The following FHAD1 variants were observed in gnomAD, a reference collection of about 807,000 sequenced individuals.
FHAD1 encodes the protein forkhead-associated domain-containing protein 1.
Under a neutral mutation model 191.3 loss-of-function variants are expected in FHAD1, and 146 were observed. The ratio of observed to expected loss-of-function variants is 0.76; its 90% CI spans 0.67 to 0.88. The LOEUF (loss-of-function observed/expected upper bound fraction) is 0.88, where lower values mean the gene tolerates loss of function less well. FHAD1 is among the 40% of genes least tolerant of loss of function. FHAD1 has a pLI of 0.00. For synonymous variants in FHAD1, 616 were observed against 672.3 expected (o/e 0.92, Z 1.29); for missense variants, 1,635 against 1,785.8 (o/e 0.92, Z 1.52).
At chr1:15,344,867 T>A (rs1168500213) in intron 16 of FHAD1, among the ~76,000 whole-genome samples, 2 of 152,142 alleles carry the variant, frequency 1.3e-5, no homozygotes, top group African/African-American at 4.8e-5. Flanking sequence ...GTAGCTTCAC[T>A]TCCCCAGTGC....
intron 3 of FHAD1, among the ~76,000 whole-genome samples, chr1:15,273,061 G>A (rs1003529343): frequency 1.3e-5 from 2 of 152,150 alleles, no homozygotes; most frequent in Non-Finnish European, 2.9e-5. Flanking sequence ...CCCTAAACAT[G>A]TCTGATTATC....
intron 6 of FHAD1, among the ~76,000 whole-genome samples, chr1:15,306,159 C>T (rs1326979017): frequency 3.9e-5 from 6 of 152,184 alleles, no homozygotes; most frequent in Non-Finnish European, 8.8e-5. Flanking sequence ...GCAAAGGTGA[C>T]TCTTGTTATG....
intron 15 of FHAD1, among the ~76,000 whole-genome samples, chr1:15,340,073 A>C (rs1050380881): frequency 1.5e-4 from 23 of 151,830 alleles, no homozygotes; most frequent in Non-Finnish European, 3.2e-4. Flanking sequence ...TGATCCACCC[A>C]CCTCAGCTTC....
intron 31 of FHAD1, chr1:15,383,329 C>T (rs951266708): frequency 6.1e-5 from 27 of 440,358 alleles, no homozygotes; most frequent in Non-Finnish European, 9.6e-5. Flanking sequence ...GGCCTGGCAC[C>T]AGCCGGCGGA....
intron 6 of FHAD1, among the ~76,000 whole-genome samples, chr1:15,306,712 G>A (rs1170654403): frequency 6.6e-6 from 1 of 152,280 alleles, no homozygotes; most frequent in Non-Finnish European, 1.5e-5. Flanking sequence ...TCCACATGGT[G>A]TTGAGCCTGC....
intron 10 of FHAD1, among the ~76,000 whole-genome samples, chr1:15,321,426 A>G (rs1676219328): frequency 2.0e-5 from 3 of 152,172 alleles, no homozygotes; most frequent in African/African-American, 7.2e-5. Flanking sequence ...CAACTTACCA[A>G]AATTCAATAT....
chr1:15,237,194 C>T (rs1341881321), intron 1 of FHAD1, among the ~76,000 whole-genome samples: 1 of 152,160 alleles, frequency 6.6e-6, no homozygotes, highest in Non-Finnish European at 1.5e-5. Flanking sequence ...CTCTTTATCA[C>T]TCCACAGAAA....
intron 19 of FHAD1, 106 bp downstream of exon 19, chr1:15,349,255 G>C (rs1166198264): frequency 3.5e-6 from 3 of 862,354 alleles, no homozygotes; most frequent in East Asian, 5.3e-5. Flanking sequence ...GCCTCCCTTT[G>C]AAGTGGCCAA....
Position 15,289,739 on chromosome 1 carries a change from A to G in FHAD1, c.568+73A>G. On this transcript the variant is annotated intron_variant, in intron 4 of 33. Coordinates refer to ENST00000688493, the MANE Select transcript of FHAD1 (RefSeq NM_001391957.1). This position sits in a 1 kb window ranked among gnomAD's most constrained non-coding sequence, Gnocchi z 4.2. ...TGTGGATGGGTCTTGGTTTTGGTTT[A>G]CTTTCTGATTCTAAAAGTAGAACAT... 2.1e-6 allele frequency: 3 copies of G among 1,457,952 alleles called. No individual in the cohort carries two copies. The highest frequency in any genetic ancestry group is 2.7e-6 in the Non-Finnish European group (3 of 1,100,720). The allele number at this position is 1,457,952 out of a possible 1,614,324, so 90.3% of individuals were successfully genotyped here.
At chr1:15,299,124 C>T (rs1667860767) in intron 5 of FHAD1, among the ~76,000 whole-genome samples, 2 of 142,826 alleles carry the variant, frequency 1.4e-5, no homozygotes, top group South Asian at 2.1e-4. Context: ...CACTTGAGCC[C>T]AGGGGATCAA....
rs192531598 is a variant in FHAD1, at chr1:15,364,193, A to G, written c.3047+1467A>G. 2.2e-3 allele frequency: 418 copies of G among 187,696 alleles called. 2 individuals are homozygous for G. The highest frequency in any genetic ancestry group is 3.8e-3 in the Non-Finnish European group (341 of 90,208). The allele number at this position is 187,696 out of a possible 1,614,324, so 11.6% of individuals were successfully genotyped here. On this transcript the variant is annotated intron_variant, in intron 23 of 33. Transcript: ENST00000688493. The stretch of plus-strand genomic sequence containing the variant: ...TGGACACACACGCATGCATGCACAC[A>G]CAGAATATACTATATCTATGTAGTT...
chr1:15,385,549 G>A (rs1295238610), intron 31 of FHAD1, among the ~76,000 whole-genome samples: 35 of 152,154 alleles, frequency 2.3e-4, no homozygotes, highest in Admixed American at 2.2e-3. Flanking sequence ...ACTTTGGGAG[G>A]CTGATGCAGG....
chr1:15,371,626 T>A (rs78381548), intron 26 of FHAD1, among the ~76,000 whole-genome samples: 4,093 of 152,106 alleles, frequency 0.027, 80 homozygotes, highest in African/African-American at 0.057. Context: ...CCCCCAAAAC[T>A]CAGTATCTGC....
Position 15,365,843 on chromosome 1 carries a change from G to T in FHAD1, c.3064G>T (p.Ala1022Ser), listed in dbSNP as rs1696256725. The change falls in exon 24 of 34, where the codon GCT becomes TCT. Residue 1022 changes from alanine to serine, a missense_variant. Coordinates refer to ENST00000688493, the MANE Select transcript of FHAD1 (RefSeq NM_001391957.1). ...GAATTTCAGAGATGACTTATTGGCT[G>T]CTCAGAAGGAAATTCTGTCTCAGCA... is the stretch of plus-strand genomic sequence containing the variant. The part of the protein sequence containing the change: ...YEHLIDDLLA[A>S]QKEILSQQEV... The T allele has an allele frequency of 1.3e-6, 2 of 1,550,804 alleles. No individual in the cohort carries two copies. The highest frequency in any genetic ancestry group is 8.7e-7 in the Non-Finnish European group (1 of 1,146,324).
intron 11 of FHAD1, chr1:15,326,717 C>A (rs943123292): frequency 1.0e-5 from 2 of 197,790 alleles, no homozygotes; most frequent in Non-Finnish European, 2.0e-5. Context: ...CAGTCTGGTG[C>A]CAACTTAGCA....
Position 15,301,496 on chromosome 1 carries a change from C to G in FHAD1, c.915+55C>G, listed in dbSNP as rs977778835. The stretch of plus-strand genomic sequence containing the variant: ...CTCTCAGGCCAAGGCCCGGGAGGCC[C>G]CAGGACCACCAACCAAGGTGAGCCA... On this transcript the variant is annotated intron_variant, in intron 6 of 33. Coordinates refer to ENST00000688493, the MANE Select transcript of FHAD1 (RefSeq NM_001391957.1). 4 of 1,484,096 alleles carry G rather than the reference C, an allele frequency of 2.7e-6. No individual in the cohort carries two copies. The African/African-American group carries it at 5.6e-5, about 21-fold the overall frequency. 91.9% of individuals were successfully genotyped at this position (1,484,096 alleles called of 1,614,324 possible).
chr1:15,328,300 C>G lies in FHAD1; in HGVS notation c.1581C>G (p.Val527=). The G allele has an allele frequency of 6.6e-7, 1 of 1,511,630 alleles. No individual in the cohort carries two copies. Among genetic ancestry groups the G allele is most frequent in the Non-Finnish European group, 8.8e-7 (1 of 1,130,644 alleles). The allele number at this position is 1,511,630 out of a possible 1,614,324, so 93.6% of individuals were successfully genotyped here. A position where few individuals can be genotyped will look rare whatever the true frequency, so the allele number is the denominator to read the frequency against. ...AGTTAATAGAGAAAATTACCCAGGT[C>G]ACTGAGGACAACATCAATTTTCAGC... The part of the protein sequence containing the change: ...DQQLIEKITQ[V]TEDNINFQQK... The change falls in exon 13 of 34, where the codon GTC becomes GTG. Residue 527 remains valine, a synonymous_variant. Coordinates refer to ENST00000688493, the MANE Select transcript of FHAD1 (RefSeq NM_001391957.1).
chr1:15,299,907 C>G (rs1558043859), intron 5 of FHAD1, among the ~76,000 whole-genome samples: 1 of 152,316 alleles, frequency 6.6e-6, no homozygotes, highest in Middle Eastern at 3.4e-3. Flanking sequence ...GACCCAATGA[C>G]AGACCCTGGT....
intron 16 of FHAD1, among the ~76,000 whole-genome samples, chr1:15,343,264 A>G (rs370501949): frequency 1.3e-5 from 2 of 151,860 alleles, no homozygotes; most frequent in Non-Finnish European, 1.5e-5. Flanking sequence ...TGGGATTTCT[A>G]AGCACTCCCG....
Sources: allele counts gnomAD v4.1 joint callset (sites outside exome capture counted in the v4.1 genomes callset), GRCh38; gene constraint gnomAD v4.1.1; non-coding constraint Gnocchi (gnomAD v3.1); transcripts MANE v1.5; gene names NCBI Gene and HGNC (gene_info 2026-07-23, HGNC 2026-07-21).